RIMBP2: variants seen among roughly 807,000 people sequenced by gnomAD.
RIMBP2 encodes RIMS binding protein 2.
A neutral mutation model predicts 118.6 loss-of-function variants in RIMBP2; 48 were observed. That is an observed-to-expected ratio of 0.40 (90% CI 0.32 to 0.51). RIMBP2 has a LOEUF of 0.51. Ranked by LOEUF, RIMBP2 falls within the 20% of genes least tolerant of loss-of-function variation. The pLI, the probability that RIMBP2 is intolerant of heterozygous loss-of-function variation, is 0.41. For missense variants in RIMBP2, 1,551 were observed against 1,768.3 expected (o/e 0.88, Z 2.20); for synonymous variants, 762 against 742.9 (o/e 1.03, Z -0.42).
intron 1 of RIMBP2, among the ~76,000 whole-genome samples, chr12:130,676,020 C>T (rs1449063565): frequency 6.6e-6 from 1 of 152,258 alleles, no homozygotes. Flanking sequence ...GAGCTCCCGA[C>T]TGCCACCGCG....
At chr12:130,604,015 G>A (rs1039175772) in intron 2 of RIMBP2, among the ~76,000 whole-genome samples, 5 of 152,150 alleles carry the variant, frequency 3.3e-5, no homozygotes, top group Non-Finnish European at 7.3e-5. Flanking sequence ...GGAGATGGCC[G>A]CTCCACGCGT....
chr12:130,441,110 A>G (rs1280559186), intron 11 of RIMBP2, among the ~76,000 whole-genome samples: 1 of 152,120 alleles, frequency 6.6e-6, no homozygotes, highest in African/African-American at 2.4e-5. Context: ...TCTCTTTTAT[A>G]CAAGCCACGT....
At chr12:130,560,012 G>T (rs747362623) in intron 2 of RIMBP2, among the ~76,000 whole-genome samples, 5 of 152,170 alleles carry the variant, frequency 3.3e-5, no homozygotes, top group Non-Finnish European at 7.3e-5. Context: ...ATGGGAGCAG[G>T]GGGTGATTTG....
intron 13 of RIMBP2, 51 bp downstream of exon 13, chr12:130,436,791 C>T (rs1252748439): frequency 7.5e-7 from 1 of 1,333,784 alleles, no homozygotes; most frequent in South Asian, 2.0e-5. Context: ...GGGCCCCGTC[C>T]CGTGGGGTTT....
intron 19 of RIMBP2, among the ~76,000 whole-genome samples, chr12:130,408,255 G>C (rs2075366100): frequency 6.6e-6 from 1 of 152,206 alleles, no homozygotes; most frequent in African/African-American, 2.4e-5. Flanking sequence ...GCCTGTTTGT[G>C]TAACTATGGT....
chr12:130,516,225 A>C (rs2051441433), intron 3 of RIMBP2, among the ~76,000 whole-genome samples: 1 of 152,254 alleles, frequency 6.6e-6, no homozygotes, highest in African/African-American at 2.4e-5. Context: ...AATAAGTGTC[A>C]AATCAAGACA....
At chr12:130,638,764 T>TC (rs1555316200) in intron 1 of RIMBP2, among the ~76,000 whole-genome samples, 71 of 145,200 alleles carry the variant, frequency 4.9e-4, no homozygotes, top group African/African-American at 1.7e-3. Context: ...TGGAGATCGT[T>TC]AAAAAAAAAA....
intron 6 of RIMBP2, among the ~76,000 whole-genome samples, chr12:130,462,607 G>A (rs2080102051): frequency 6.6e-6 from 1 of 152,256 alleles, no homozygotes; most frequent in Non-Finnish European, 1.5e-5. Flanking sequence ...CTCAGGCACA[G>A]TGCTCAGAGC....
intron 5 of RIMBP2, among the ~76,000 whole-genome samples, chr12:130,477,716 C>T (rs1001789297): frequency 2.0e-5 from 3 of 152,230 alleles, no homozygotes; most frequent in Admixed American, 6.5e-5. Context: ...GGAGGAGAAA[C>T]GCTGCTCCGG....
In RIMBP2 at chr12:130,657,238, G is replaced by A. The variant is rs544645304; in HGVS notation, c.-351-28782C>T. 1.7e-3 allele frequency among the ~76,000 whole-genome samples: 253 copies of A among 152,266 alleles called. 1 individual carries two copies. The highest frequency in any genetic ancestry group is 2.7e-3 in the Non-Finnish European group (186 of 68,028). Reference sequence around the variant, plus strand: ...AGAACACTAGTCATATGGGATGAGGGCACATCCTCATGTCCTCATCTTAAC... The same window carrying A: ...AGAACACTAGTCATATGGGATGAGGACACATCCTCATGTCCTCATCTTAAC... On this transcript the variant is annotated intron_variant, in intron 1 of 22. Transcript: ENST00000690449.
At position 130,617,084 on chromosome 12, in the gene RIMBP2, AC is replaced by A. The variant is rs943909726; in HGVS notation, c.-217+11237del. On this transcript the variant is annotated intron_variant, in intron 2 of 22. Coordinates refer to ENST00000690449, the MANE Select transcript of RIMBP2 (RefSeq NM_001393629.1). This position sits in a 1 kb window ranked among gnomAD's most constrained non-coding sequence, Gnocchi z 4.6. ...TCATTTTTCCAGGACTGCCAGCCTT[AC>A]ATCTCATGTTCTGAGCTTCCTGTGG... Among the ~76,000 whole-genome samples, 1 of 152,122 alleles carries A rather than the reference AC, an allele frequency of 6.6e-6. No individual in the cohort carries two copies. Among genetic ancestry groups the A allele is most frequent in the African/African-American group, 2.4e-5 (1 of 41,430 alleles).
intron 14 of RIMBP2, chr12:130,430,023 C>T (rs952452301): frequency 2.6e-5 from 4 of 152,398 alleles, no homozygotes; most frequent in East Asian, 1.9e-4. Context: ...ACTCCTGGGA[C>T]GGAAGGAGGT....
intron 1 of RIMBP2, among the ~76,000 whole-genome samples, chr12:130,664,770 C>T (rs2063847609): frequency 6.6e-6 from 1 of 151,768 alleles, no homozygotes. Flanking sequence ...GCTGACCTTT[C>T]AATTTCAGCT....
chr12:130,640,988 C>A (rs2062591686), intron 1 of RIMBP2, among the ~76,000 whole-genome samples: 1 of 152,226 alleles, frequency 6.6e-6, no homozygotes, highest in Non-Finnish European at 1.5e-5. Context: ...AGACATGGCC[C>A]TATTAAAGCT....
Position 130,511,316 on chromosome 12 carries a change from G to A in RIMBP2, c.-126-4546C>T, listed in dbSNP as rs183276206. ...CTTTAGGACTGAAGACCTCCAGAGCGGTGAGACACGGTGGTGTGTGTGCTT... is the reference window on the plus strand; with the variant it reads ...CTTTAGGACTGAAGACCTCCAGAGCAGTGAGACACGGTGGTGTGTGTGCTT... On this transcript the variant is annotated intron_variant, in intron 3 of 22. Coordinates refer to ENST00000690449, the MANE Select transcript of RIMBP2 (RefSeq NM_001393629.1). The surrounding 1 kb of genome is among the most constrained non-coding windows in gnomAD (Gnocchi z 4.3). Among the ~76,000 whole-genome samples the A allele has an allele frequency of 7.9e-5, 12 of 152,320 alleles. No individual in the cohort carries two copies. In the East Asian group the frequency reaches 1.2e-3, roughly 15 times the overall value.
chr12:130,606,403 G>A (rs760878058), intron 2 of RIMBP2, among the ~76,000 whole-genome samples: 11 of 152,154 alleles, frequency 7.2e-5, no homozygotes, highest in East Asian at 1.9e-4. Context: ...AGGCACAAGC[G>A]TGACGCGTGG....
intron 2 of RIMBP2, among the ~76,000 whole-genome samples, chr12:130,568,898 G>A (rs1419772312): frequency 1.3e-5 from 2 of 152,088 alleles, no homozygotes; most frequent in Non-Finnish European, 1.5e-5. Context: ...AAAAAAACCC[G>A]AATTCCTAGA....
Position 130,434,695 on chromosome 12 carries a change from C to A in RIMBP2, c.2253+39G>T. 1 of 1,586,642 alleles carries A rather than the reference C, an allele frequency of 6.3e-7. No homozygotes were observed. The highest frequency in any genetic ancestry group is 8.6e-7 in the Non-Finnish European group (1 of 1,167,676). On this transcript the variant is annotated intron_variant, in intron 14 of 22. Coordinates refer to ENST00000690449, the MANE Select transcript of RIMBP2 (RefSeq NM_001393629.1). The surrounding 1 kb of genome is among the most constrained non-coding windows in gnomAD (Gnocchi z 5.7). ...CCACGGGGCCCGCTCCGAGCCCGCG[C>A]CCACCAGGAGGATGGTGTGGGGCCC...
chr12:130,646,255 T>TCCCTCTCCACCTCCCTCACCACC (rs2062932672), intron 1 of RIMBP2, among the ~76,000 whole-genome samples: 1 of 9,084 alleles, frequency 1.1e-4, no homozygotes. Flanking sequence ...CCCTCACCAC[T>TCCCTCTCCACCTCCCTCACCACC]TCCCTCTCCA....
Sources: allele counts gnomAD v4.1 joint callset (sites outside exome capture counted in the v4.1 genomes callset), GRCh38; gene constraint gnomAD v4.1.1; non-coding constraint Gnocchi (gnomAD v3.1); transcripts MANE v1.5; gene names NCBI Gene and HGNC (gene_info 2026-07-23, HGNC 2026-07-21).